WFDC10A: variants seen among roughly 807,000 people sequenced by gnomAD.
WFDC10A encodes the protein WAP four-disulfide core domain protein 10A.
In WFDC10A, 2 loss-of-function variants were observed where a neutral mutation model predicts 2.6. The observed-to-expected ratio is 0.76, with a 90% CI of 0.31 to 2.40. WFDC10A has a LOEUF of 2.40. Ranked by LOEUF, WFDC10A falls within the 30% of genes most tolerant of loss-of-function variation. The pLI is 0.12. For missense variants in WFDC10A, 84 were observed against 91.8 expected (o/e 0.92, Z 0.35); for synonymous variants, 36 against 36.3 (o/e 0.99, Z 0.03).
chr20:45,630,511 T>C (rs542157357), intron 1 of WFDC10A, among the ~76,000 whole-genome samples: 4 of 151,594 alleles, frequency 2.6e-5, no homozygotes, highest in African/African-American at 9.7e-5. Context: ...TAGGAGAGAG[T>C]TTGAAAGATG....
At chr20:45,630,767 T>C (rs190403558) in intron 1 of WFDC10A, 103 bp from the exon 2 acceptor site, 1 of 1,284,718 alleles carries the variant, frequency 7.8e-7, no homozygotes, top group African/African-American at 1.5e-5. Flanking sequence ...TCCAGGAGTA[T>C]CATGACTGAG....
At chr20:45,630,455 C>A (rs1016613899) in intron 1 of WFDC10A, among the ~76,000 whole-genome samples, 1 of 152,032 alleles carries the variant, frequency 6.6e-6, no homozygotes, top group African/African-American at 2.4e-5. Context: ...GAGGGAGAGA[C>A]AAGAGGCATG....
At position 45,630,970 on chromosome 20, in the gene WFDC10A, C is replaced by G; in HGVS notation, c.192C>G (p.Asn64Lys). 1 of 1,611,960 alleles carries G rather than the reference C, an allele frequency of 6.2e-7. No individual in the cohort carries two copies. Among genetic ancestry groups the G allele is most frequent in the Non-Finnish European group, 8.5e-7 (1 of 1,179,090 alleles). ...CESHRDCQAN[N>K]ICCSTYCGNV... is the part of the protein sequence containing the mutation. Reference sequence around the variant, plus strand: ...CTCACCGAGATTGTCAAGCAAATAACATATGCTGTTCTACCTACTGTGGGA... The same window carrying G: ...CTCACCGAGATTGTCAAGCAAATAAGATATGCTGTTCTACCTACTGTGGGA... Residue 64 changes from asparagine (N) to lysine (K), a missense_variant, in exon 2 of 2, where the codon AAC becomes AAG. Coordinates refer to ENST00000372643, the MANE Select transcript of WFDC10A (RefSeq NM_080753.3).
Position 45,631,177 on chromosome 20 carries a change from C to G in WFDC10A, c.*159C>G. 4 of 760,916 alleles carry G rather than the reference C, an allele frequency of 5.3e-6. No homozygotes were observed. The highest frequency in any genetic ancestry group is 7.5e-6 in the Non-Finnish European group (4 of 536,498). 47.1% of individuals were successfully genotyped at this position (760,916 alleles called of 1,614,324 possible). ...GAACCCCTTGTCCCTGTCAAATAAA[C>G]CAGAACAAATGCCCAGGGATCCTAC... is the stretch of plus-strand genomic sequence containing the variant. On this transcript the variant is annotated 3_prime_UTR_variant, in exon 2 of 2. Coordinates refer to ENST00000372643, the MANE Select transcript of WFDC10A (RefSeq NM_080753.3).
Position 45,630,926 on chromosome 20 carries a change from T to C in WFDC10A, c.148T>C (p.Cys50Arg). 1 of 1,612,608 alleles carries C rather than the reference T, an allele frequency of 6.2e-7. No homozygotes were observed. Among genetic ancestry groups the C allele is most frequent in the Non-Finnish European group, 8.5e-7 (1 of 1,179,424 alleles). The change falls in exon 2 of 2, where the codon TGC (cysteine) becomes CGC (arginine). Residue 50 changes from cysteine to arginine, a missense_variant. By Grantham distance (180) the Cys-to-Arg change is radical (BLOSUM62 -3). Coordinates refer to ENST00000372643, the MANE Select transcript of WFDC10A (RefSeq NM_080753.3). ...CCAGCAGCAGCCTAAACTATATCTA[T>C]GCAAACACTTATGTGAATCTCACCG... The part of the protein sequence containing the change: ...VCQQQPKLYL[C>R]KHLCESHRDC...
Position 45,631,019 on chromosome 20 carries a change from G to A in WFDC10A, c.*1G>A. On this transcript the variant is annotated 3_prime_UTR_variant, in exon 2 of 2. Transcript: ENST00000372643. ...GAATGTTTGCATGAGCATCCTGTGA[G>A]TGGGAGAGTGGGCTGGGATGTGCAT... is the stretch of plus-strand genomic sequence containing the variant. 1 of 1,594,262 alleles carries A rather than the reference G, an allele frequency of 6.3e-7. No individual in the cohort carries two copies. Among genetic ancestry groups the A allele is most frequent in the Non-Finnish European group, 8.5e-7 (1 of 1,170,424 alleles).
At chr20:45,630,025 T>C in intron 1 of WFDC10A, 121 bp downstream of exon 1, 1 of 1,381,174 alleles carries the variant, frequency 7.2e-7, no homozygotes, top group Non-Finnish European at 9.9e-7. Context: ...CTGACCACAA[T>C]GTTGTGTAGA....
chr20:45,629,851 G>C lies in WFDC10A; in HGVS notation c.38G>C (p.Cys13Ser). 1 of 1,614,070 alleles carries C rather than the reference G, an allele frequency of 6.2e-7. No individual in the cohort carries two copies. The highest frequency in any genetic ancestry group is 8.5e-7 in the Non-Finnish European group (1 of 1,180,000). Residue 13 changes from cysteine to serine, a missense_variant, in exon 1 of 2, where the codon TGT becomes TCT. Physicochemically the swap from Cys to Ser is moderately radical, Grantham distance 112. Transcript: ENST00000372643. Reference sequence around the variant, plus strand: ...ACTCTGCTGCCTGTCCTGGTTCTCTGTGTGCTGCTGCTGCAGGCCCAGGGA... The same window carrying C: ...ACTCTGCTGCCTGTCCTGGTTCTCTCTGTGCTGCTGCTGCAGGCCCAGGGA... ...PQTLLPVLVLCVLLLQAQGGY... is the reference protein window; with the variant it reads ...PQTLLPVLVLSVLLLQAQGGY...
At chr20:45,630,309 T>C (rs1440319174) in intron 1 of WFDC10A, among the ~76,000 whole-genome samples, 1 of 150,104 alleles carries the variant, frequency 6.7e-6, no homozygotes, top group African/African-American at 2.5e-5. Context: ...TGTAGGGAAA[T>C]AGGACATAAG....
In WFDC10A at chr20:45,631,072, C is replaced by T. The variant is rs952051322; in HGVS notation, c.*54C>T. On this transcript the variant is annotated 3_prime_UTR_variant, in exon 2 of 2. Transcript: ENST00000372643. ...TGCTTCCCAACTCCTCTATCCAAGA[C>T]TGTGCCCACATCCGAAGCACAAGGA... is the stretch of plus-strand genomic sequence containing the variant. 20 of 1,498,546 alleles carry T rather than the reference C, an allele frequency of 1.3e-5. No homozygotes were observed. Among genetic ancestry groups the T allele is most frequent in the Non-Finnish European group, 1.5e-5 (17 of 1,124,482 alleles). The allele number at this position is 1,498,546 out of a possible 1,614,324, so 92.8% of individuals were successfully genotyped here.
At position 45,630,544 on chromosome 20, in the gene WFDC10A, A is replaced by G. The variant is rs542229584; in HGVS notation, c.92-326A>G. On this transcript the variant is annotated intron_variant, in intron 1 of 1. Coordinates refer to ENST00000372643, the MANE Select transcript of WFDC10A (RefSeq NM_080753.3). ...ATGTCTCATGCTTCTTTGAGCTCTCAGGATCAGACTGTAGATTCTTTGGTG... is the reference window on the plus strand; with the variant it reads ...ATGTCTCATGCTTCTTTGAGCTCTCGGGATCAGACTGTAGATTCTTTGGTG... Among the ~76,000 whole-genome samples the G allele has an allele frequency of 1.2e-4, 19 of 152,314 alleles. 1 individual carries two copies. Among genetic ancestry groups the G allele is most frequent in the Admixed American group, 1.2e-3 (18 of 15,312 alleles).
intron 1 of WFDC10A, 136 bp downstream of exon 1, chr20:45,630,040 G>A (rs1982319508): frequency 7.8e-7 from 1 of 1,274,406 alleles, no homozygotes; most frequent in East Asian, 2.6e-5. Flanking sequence ...TGTAGACTCT[G>A]GACTGTCCCT....
At chr20:45,630,747 G>A in intron 1 of WFDC10A, 123 bp from the exon 2 acceptor site, 3 of 1,127,714 alleles carry the variant, frequency 2.7e-6, no homozygotes, top group Non-Finnish European at 3.6e-6. Flanking sequence ...GTAGTTCTAT[G>A]AAGAAGGAAT....
intron 1 of WFDC10A, among the ~76,000 whole-genome samples, 157 bp from the exon 2 acceptor site, chr20:45,630,713 T>C (rs1160885038): frequency 6.6e-6 from 1 of 151,832 alleles, no homozygotes; most frequent in African/African-American, 2.4e-5. Context: ...GACCAATCAC[T>C]AGGATTTGGT....
In WFDC10A at chr20:45,631,096, G is replaced by T; in HGVS notation, c.*78G>T. On this transcript the variant is annotated 3_prime_UTR_variant, in exon 2 of 2. Coordinates refer to ENST00000372643, the MANE Select transcript of WFDC10A (RefSeq NM_080753.3). ...ACTGTGCCCACATCCGAAGCACAAGGACCTCAAGTCACCAGCATAAGAACA... is the reference window on the plus strand; with the variant it reads ...ACTGTGCCCACATCCGAAGCACAAGTACCTCAAGTCACCAGCATAAGAACA... 6.9e-7 allele frequency: 1 copy of T among 1,449,680 alleles called. No homozygotes were observed. The allele number at this position is 1,449,680 out of a possible 1,614,324, so 89.8% of individuals were successfully genotyped here. A position where few individuals can be genotyped will look rare whatever the true frequency, so the allele number is the denominator to read the frequency against.
intron 1 of WFDC10A, among the ~76,000 whole-genome samples, chr20:45,630,463 A>G (rs980128407): frequency 1.3e-5 from 2 of 152,118 alleles, no homozygotes; most frequent in Non-Finnish European, 2.9e-5. Flanking sequence ...GACAAGAGGC[A>G]TGTTGATCCT....
At chr20:45,630,189 G>T (rs1335347804) in intron 1 of WFDC10A, among the ~76,000 whole-genome samples, 3 of 152,310 alleles carry the variant, frequency 2.0e-5, no homozygotes, top group Admixed American at 6.5e-5. Flanking sequence ...CCAGGGCTGA[G>T]AATCCAGTGG....
In WFDC10A at chr20:45,631,093, A is replaced by T. The variant is rs1982359203; in HGVS notation, c.*75A>T. On this transcript the variant is annotated 3_prime_UTR_variant, in exon 2 of 2. Coordinates refer to ENST00000372643, the MANE Select transcript of WFDC10A (RefSeq NM_080753.3). Reference sequence around the variant, plus strand: ...AAGACTGTGCCCACATCCGAAGCACAAGGACCTCAAGTCACCAGCATAAGA... The same window carrying T: ...AAGACTGTGCCCACATCCGAAGCACTAGGACCTCAAGTCACCAGCATAAGA... The T allele has an allele frequency of 3.4e-6, 5 of 1,452,128 alleles. No homozygotes were observed. The South Asian group carries it at 6.2e-5, about 18-fold the overall frequency. The allele number at this position is 1,452,128 out of a possible 1,614,324, so 90.0% of individuals were successfully genotyped here.
chr20:45,630,654 G>T (rs796898709), intron 1 of WFDC10A, among the ~76,000 whole-genome samples: 2 of 152,180 alleles, frequency 1.3e-5, no homozygotes, highest in Admixed American at 6.5e-5. Context: ...CCCAGGCATT[G>T]TGGTCTAATG....
Sources: gnomAD v4.1 joint callset for allele counts (sites outside exome capture counted in the v4.1 genomes callset) on GRCh38, gnomAD v4.1.1 for gene constraint, MANE v1.5 for transcripts, NCBI Gene and HGNC (gene_info 2026-07-23, HGNC 2026-07-21) for gene names.